The following WASF2 variants were observed in gnomAD, a reference collection of about 807,000 sequenced individuals.
WASF2 encodes the protein actin-binding protein WASF2.
Under a neutral mutation model 45.0 loss-of-function variants are expected in WASF2, and 14 were observed. The observed-to-expected ratio is 0.31, with a 90% CI of 0.21 to 0.49. WASF2 has a LOEUF of 0.49. Ranked by LOEUF, WASF2 falls within the 20% of genes least tolerant of loss-of-function variation. The probability of loss-of-function intolerance (pLI) is 0.99; values close to 1 mark genes in which losing one functional copy is unlikely to be tolerated. For missense variants in WASF2, 439 were observed against 636.1 expected, an observed-to-expected ratio of 0.69 and a Z score of 3.33; for synonymous variants, 200 against 236.3, an observed-to-expected ratio of 0.85 and a Z score of 1.41.
intron 2 of WASF2, among the ~76,000 whole-genome samples, chr1:27,427,315 C>A (rs937535374): frequency 2.6e-5 from 4 of 152,032 alleles, no homozygotes; most frequent in Non-Finnish European, 5.9e-5. Flanking sequence ...TGAGAGAGAG[C>A]GTAACTTCAG....
At chr1:27,418,142 C>T (rs2016850643) in intron 4 of WASF2, 127 bp downstream of exon 4, 7 of 1,117,578 alleles carry the variant, frequency 6.3e-6, no homozygotes, top group Non-Finnish European at 8.6e-6. Flanking sequence ...CAGAAACTAC[C>T]ACAACTTTGG....
In WASF2 at chr1:27,448,841, C is replaced by CAA. The variant is rs11371995; in HGVS notation, c.-43-19910_-43-19909dup. On this transcript the variant is annotated intron_variant, in intron 1 of 8. Coordinates refer to ENST00000618852, the MANE Select transcript of WASF2 (RefSeq NM_006990.5). ...TGGGTGAAAGAGAGAGACCTCATCT[C>CAA]AAAAAAAAAAAAAAAAAAAGGTCAT... is the stretch of plus-strand genomic sequence containing the variant. Among the ~76,000 whole-genome samples the CAA allele has an allele frequency of 5.1e-3, 342 of 66,982 alleles. 2 individuals are homozygous for CAA. The highest frequency in any genetic ancestry group is 0.015 in the African/African-American group (290 of 19,098). 43.9% of individuals were successfully genotyped at this position (66,982 alleles called of 152,430 possible). A position where few individuals can be genotyped will look rare whatever the true frequency, so the allele number is the denominator to read the frequency against.
chr1:27,434,472 A>C (rs1232916427), intron 1 of WASF2, among the ~76,000 whole-genome samples: 1 of 152,168 alleles, frequency 6.6e-6, no homozygotes, highest in African/African-American at 2.4e-5. Context: ...CTGAACACAC[A>C]ATCAGAGGCA....
In WASF2 at chr1:27,420,623, G is replaced by A. The variant is rs112797061; in HGVS notation, c.131-1535C>T. Among the ~76,000 whole-genome samples the A allele has an allele frequency of 8.7e-3, 1,210 of 138,354 alleles. 7 individuals are homozygous for A. The highest frequency in any genetic ancestry group is 0.013 in the Non-Finnish European group (866 of 65,500). The allele number at this position is 138,354 out of a possible 152,430, so 90.8% of individuals were successfully genotyped here. On this transcript the variant is annotated intron_variant, in intron 2 of 8. Transcript: ENST00000618852. Reference sequence around the variant, plus strand: ...TGCAGCCTCTGCCTCCCGCGTTCAAGTGATTCTCCTGCCTCAGCCTCCTGA... The same window carrying A: ...TGCAGCCTCTGCCTCCCGCGTTCAAATGATTCTCCTGCCTCAGCCTCCTGA...
At chr1:27,483,776 A>G (rs952694582) in intron 1 of WASF2, among the ~76,000 whole-genome samples, 4 of 151,916 alleles carry the variant, frequency 2.6e-5, no homozygotes, top group Admixed American at 6.6e-5. Flanking sequence ...CAACATAGTT[A>G]GACCTCGTCT....
intron 1 of WASF2, among the ~76,000 whole-genome samples, chr1:27,434,681 A>G (rs1229367571): frequency 2.0e-5 from 3 of 152,184 alleles, no homozygotes; most frequent in Non-Finnish European, 2.9e-5. Flanking sequence ...TCAAAGAAAA[A>G]CTGTATTTTG....
intron 1 of WASF2, among the ~76,000 whole-genome samples, chr1:27,487,511 T>TTATATATATTTTATACAATATATAATA (rs2017950078): frequency 1.0e-5 from 1 of 96,160 alleles, no homozygotes; most frequent in African/African-American, 4.8e-5. Context: ...ATAATATATG[T>TTATATATATTTTATACAATATATAATA]TATATTATAT....
intron 1 of WASF2, among the ~76,000 whole-genome samples, chr1:27,434,687 T>C (rs1168492345): frequency 6.6e-6 from 1 of 152,166 alleles, no homozygotes; most frequent in East Asian, 1.9e-4. Context: ...AAAAACTGTA[T>C]TTTGGACCAG....
intron 8 of WASF2, among the ~76,000 whole-genome samples, chr1:27,409,342 G>A (rs2016725915): frequency 6.8e-6 from 1 of 146,118 alleles, no homozygotes; most frequent in Non-Finnish European, 1.5e-5. Context: ...GGAGAATGGC[G>A]TGAACCCGGG....
intron 1 of WASF2, among the ~76,000 whole-genome samples, chr1:27,436,210 C>T (rs1341027883): frequency 6.6e-6 from 1 of 152,188 alleles, no homozygotes; most frequent in Non-Finnish European, 1.5e-5. Flanking sequence ...CTTTGGGAGG[C>T]AGCAGCAGGA....
At chr1:27,412,446 G>GAT in intron 7 of WASF2, 126 bp downstream of exon 7, 1 of 1,312,746 alleles carries the variant, frequency 7.6e-7, no homozygotes, top group South Asian at 1.4e-5. Context: ...GGCCTCACGA[G>GAT]ATCCTCCCAC....
intron 1 of WASF2, among the ~76,000 whole-genome samples, chr1:27,487,145 T>A (rs1008632812): frequency 4.8e-5 from 7 of 146,894 alleles, no homozygotes; most frequent in Non-Finnish European, 1.0e-4. Context: ...CTGTCGCCCA[T>A]GCTGGAGTGC....
intron 1 of WASF2, among the ~76,000 whole-genome samples, chr1:27,438,772 T>C (rs1202285632): frequency 7.9e-5 from 12 of 152,210 alleles, no homozygotes; most frequent in African/African-American, 2.9e-4. Context: ...AGTGGAATTA[T>C]GGAGCAAATT....
At chr1:27,408,990 G>T (rs1481629592) in intron 8 of WASF2, among the ~76,000 whole-genome samples, 3 of 152,122 alleles carry the variant, frequency 2.0e-5, no homozygotes, top group African/African-American at 7.2e-5. Flanking sequence ...CACTAGGACA[G>T]TGATTCTTGT....
intron 7 of WASF2, among the ~76,000 whole-genome samples, chr1:27,411,534 C>T (rs943123317): frequency 1.3e-5 from 2 of 152,214 alleles, no homozygotes; most frequent in Non-Finnish European, 2.9e-5. Context: ...ATATCATGGA[C>T]AGCAGATTGT....
intron 1 of WASF2, among the ~76,000 whole-genome samples, chr1:27,467,509 G>A (rs1033518758): frequency 6.0e-5 from 9 of 149,842 alleles, no homozygotes; most frequent in African/African-American, 2.2e-4. Context: ...CACCGTGTTA[G>A]CCAGGATGGT....
intron 1 of WASF2, among the ~76,000 whole-genome samples, chr1:27,470,165 C>T (rs1293149586): frequency 6.6e-6 from 1 of 152,196 alleles, no homozygotes; most frequent in Non-Finnish European, 1.5e-5. Flanking sequence ...AAGATGAGCG[C>T]ATTATTGCGC....
At chr1:27,480,203 T>G (rs2148144393) in intron 1 of WASF2, among the ~76,000 whole-genome samples, 1 of 152,266 alleles carries the variant, frequency 6.6e-6, no homozygotes, top group African/African-American at 2.4e-5. Context: ...AAGACCTGAT[T>G]TAAGAGCAAA....
At chr1:27,442,629 T>C (rs553818742) in intron 1 of WASF2, among the ~76,000 whole-genome samples, 2 of 151,886 alleles carry the variant, frequency 1.3e-5, no homozygotes, top group East Asian at 1.9e-4. Flanking sequence ...GAGGCTGAGA[T>C]GGGCAGACTG....
Sources: allele counts gnomAD v4.1 joint callset (sites outside exome capture counted in the v4.1 genomes callset), GRCh38; gene constraint gnomAD v4.1.1; transcripts MANE v1.5; gene names NCBI Gene and HGNC (gene_info 2026-07-23, HGNC 2026-07-21).